FHOD3: variants seen among roughly 807,000 people sequenced by gnomAD.
FHOD3 encodes the protein formin homology 2 domain containing 3, also known as FH1/FH2 domain-containing protein 3.
A neutral mutation model predicts 173.0 loss-of-function variants in FHOD3; 90 were observed. That is an observed-to-expected ratio of 0.52 (90% CI 0.44 to 0.62). The LOEUF is 0.62. FHOD3 is among the 20% of genes least tolerant of loss of function. The pLI is 0.00. For missense variants in FHOD3, 1,945 were observed against 2,034.7 expected (o/e 0.96, Z 0.85); for synonymous variants, 828 against 823.0 (o/e 1.01, Z -0.10).
At chr18:36,726,378 A>G (rs918232304) in intron 19 of FHOD3, among the ~76,000 whole-genome samples, 7 of 152,052 alleles carry the variant, frequency 4.6e-5, no homozygotes, top group Admixed American at 2.0e-4. Flanking sequence ...CTGGTTTCTC[A>G]TCAATTGCAG....
At chr18:36,440,086 G>C (rs2051048504) in intron 3 of FHOD3, among the ~76,000 whole-genome samples, 1 of 152,172 alleles carries the variant, frequency 6.6e-6, no homozygotes, top group Non-Finnish European at 1.5e-5. Flanking sequence ...CTCTTCTAGG[G>C]ATCCTGTTAA....
chr18:36,326,641 A>G (rs1362989131), intron 1 of FHOD3, among the ~76,000 whole-genome samples: 1 of 151,928 alleles, frequency 6.6e-6, no homozygotes, highest in Non-Finnish European at 1.5e-5. Context: ...AGTCGCAGGT[A>G]CTCGGAGGCT....
chr18:36,750,968 T>G (rs1373533480), intron 24 of FHOD3, among the ~76,000 whole-genome samples: 7 of 152,254 alleles, frequency 4.6e-5, no homozygotes, highest in Non-Finnish European at 1.0e-4. Flanking sequence ...CCAGGCTCTT[T>G]TTTTGTTCCA....
At chr18:36,330,231 G>A (rs536221917) in intron 1 of FHOD3, among the ~76,000 whole-genome samples, 10 of 152,168 alleles carry the variant, frequency 6.6e-5, no homozygotes, top group African/African-American at 9.7e-5. Flanking sequence ...CTAACATTAC[G>A]TCTATGTCTT....
chr18:36,371,122 G>A (rs2047166773), intron 2 of FHOD3, among the ~76,000 whole-genome samples: 1 of 152,144 alleles, frequency 6.6e-6, no homozygotes, highest in African/African-American at 2.4e-5. Context: ...TAAAACAAAT[G>A]AACAAAGGAA....
At chr18:36,356,982 C>A (rs2046391646) in intron 2 of FHOD3, among the ~76,000 whole-genome samples, 1 of 152,136 alleles carries the variant, frequency 6.6e-6, no homozygotes, top group South Asian at 2.1e-4. Flanking sequence ...TCATCACCCT[C>A]CTCTTCAGGA....
chr18:36,503,004 A>C (rs1158281637), intron 4 of FHOD3, among the ~76,000 whole-genome samples: 1 of 152,198 alleles, frequency 6.6e-6, no homozygotes, highest in Non-Finnish European at 1.5e-5. Flanking sequence ...GCAGATGGTT[A>C]ATTTCCAGTG....
chr18:36,403,424 G>A (rs9958721), intron 3 of FHOD3, among the ~76,000 whole-genome samples: 6,603 of 152,258 alleles, frequency 0.043, 472 homozygotes, highest in African/African-American at 0.15. Flanking sequence ...CAAGATGAGT[G>A]GCAAGTCCTC....
Position 36,717,861 on chromosome 18 carries a change from G to A in FHOD3, c.2563G>A (p.Gly855Ser). ...GLWPAGVQDA[G>S]VNGQCGDILT... The stretch of plus-strand genomic sequence containing the variant: ...GTGGCCCGCAGGTGTCCAGGATGCA[G>A]GTGTAAATGGACAGTGTGGCGACAT... Residue 855 changes from glycine (G) to serine (S), a missense_variant, in exon 19 of 29, where the codon GGT becomes AGT. Around this residue, in one of 5 missense-constraint regions of FHOD3, gnomAD observed 1,099 missense variants for 1,051.2 expected, o/e 1.05. Transcript: ENST00000590592. 6.3e-7 allele frequency: 1 copy of A among 1,596,806 alleles called. No individual in the cohort carries two copies. The highest frequency in any genetic ancestry group is 8.5e-7 in the Non-Finnish European group (1 of 1,171,644).
chr18:36,363,903 C>T lies in FHOD3; in HGVS notation c.272+8258C>T, dbSNP rs367657323. Among the ~76,000 whole-genome samples, 298 of 151,068 alleles carry T rather than the reference C, an allele frequency of 2.0e-3. 3 individuals are homozygous for T. Among genetic ancestry groups the T allele is most frequent in the African/African-American group, 6.9e-3 (284 of 41,176 alleles). On this transcript the variant is annotated intron_variant, in intron 2 of 28. Transcript: ENST00000590592. The stretch of plus-strand genomic sequence containing the variant: ...GGAGAAATGGGTGGGTGGGGAGGGG[C>T]AGTGTGGATATATGAGAACATGCTC...
chr18:36,670,183 T>C (rs145835115), intron 14 of FHOD3, among the ~76,000 whole-genome samples: 9 of 152,286 alleles, frequency 5.9e-5, no homozygotes, highest in South Asian at 4.1e-4. Context: ...TCATTGGTTT[T>C]TAGCAGTTTG....
intron 6 of FHOD3, among the ~76,000 whole-genome samples, chr18:36,584,433 A>G (rs1292651871): frequency 6.6e-6 from 1 of 152,242 alleles, no homozygotes; most frequent in Non-Finnish European, 1.5e-5. Context: ...CTGCAATAGC[A>G]TGAGATGTAC....
At position 36,421,203 on chromosome 18, in the gene FHOD3, T is replaced by C. The variant is rs369648288; in HGVS notation, c.337+48459T>C. 8.7e-4 allele frequency among the ~76,000 whole-genome samples: 133 copies of C among 152,328 alleles called. 5 individuals carry two copies. In the South Asian group the frequency reaches 0.027, roughly 31 times the overall value. On this transcript the variant is annotated intron_variant, in intron 3 of 28. Coordinates refer to ENST00000590592, the MANE Select transcript of FHOD3 (RefSeq NM_001281740.3). The stretch of plus-strand genomic sequence containing the variant: ...TCAAAAACTAAAACATTTTTTAAAA[T>C]GGAAATATGGATTAGGGTAGCTTGC...
At chr18:36,608,927 T>C (rs1391284778) in intron 8 of FHOD3, among the ~76,000 whole-genome samples, 1 of 152,280 alleles carries the variant, frequency 6.6e-6, no homozygotes, top group Admixed American at 6.5e-5. Context: ...TGTGTGTTTA[T>C]AGCTTTTGGC....
rs192342050 is a variant in FHOD3 at position 36,410,458 on chromosome 18, A to G, written c.337+37714A>G. 4.6e-5 allele frequency among the ~76,000 whole-genome samples: 7 copies of G among 152,312 alleles called. No homozygotes were observed. The East Asian group carries it at 1.4e-3, about 29-fold the overall frequency. On this transcript the variant is annotated intron_variant, in intron 3 of 28. Coordinates refer to ENST00000590592, the MANE Select transcript of FHOD3 (RefSeq NM_001281740.3). ...ATGAATAATGCTGGTATGAACATTT[A>G]TGTACAAGTTTTTGTGTCAACATGT...
chr18:36,352,895 A>T (rs1305041579), intron 1 of FHOD3, among the ~76,000 whole-genome samples: 1 of 152,246 alleles, frequency 6.6e-6, no homozygotes, highest in Non-Finnish European at 1.5e-5. Context: ...CAATGATTAC[A>T]ACCAGACACA....
intron 5 of FHOD3, among the ~76,000 whole-genome samples, chr18:36,559,632 G>T (rs569153752): frequency 3.3e-5 from 5 of 152,252 alleles, no homozygotes; most frequent in Admixed American, 1.3e-4. Flanking sequence ...TGTAAGGTTT[G>T]TGCCTCCCTG....
chr18:36,717,780 G>A, intron 18 of FHOD3, 52 bp from the exon 19 acceptor site: 2 of 1,515,184 alleles, frequency 1.3e-6, no homozygotes, highest in Non-Finnish European at 1.8e-6. Flanking sequence ...TTCTCTCATG[G>A]AAGTGAGGCC....
At chr18:36,643,888 T>G (rs188041736) in intron 10 of FHOD3, among the ~76,000 whole-genome samples, 1 of 152,352 alleles carries the variant, frequency 6.6e-6, no homozygotes, top group East Asian at 1.9e-4. Context: ...TGCTTTGGTC[T>G]TAGAACATAC....
Sources: allele counts gnomAD v4.1 joint callset (sites outside exome capture counted in the v4.1 genomes callset), GRCh38; gene constraint gnomAD v4.1.1; regional missense constraint gnomAD v4.1.1; transcripts MANE v1.5; gene names NCBI Gene and HGNC (gene_info 2026-07-23, HGNC 2026-07-21).